EIF2AK4: variants seen among roughly 807,000 people sequenced by gnomAD.
EIF2AK4 encodes eIF-2-alpha kinase GCN2.
In EIF2AK4, 139 loss-of-function variants were observed where a neutral mutation model predicts 211.1. The observed-to-expected ratio is 0.66, with a 90% CI of 0.57 to 0.76. EIF2AK4 has a LOEUF of 0.76. Ranked by LOEUF, EIF2AK4 falls within the 30% of genes least tolerant of loss-of-function variation. The pLI, the probability that EIF2AK4 is intolerant of heterozygous loss-of-function variation, is 0.00. For synonymous variants in EIF2AK4, 710 were observed against 751.3 expected (o/e 0.94, Z 0.90); for missense variants, 1,664 against 2,043.8 (o/e 0.81, Z 3.58).
intron 15 of EIF2AK4, 110 bp downstream of exon 15, chr15:39,988,215 T>C (rs1385108742): frequency 8.6e-7 from 1 of 1,158,394 alleles, no homozygotes; most frequent in East Asian, 2.4e-5. Context: ...GGGAAAGCTA[T>C]GGGTATATTG....
chr15:39,977,068 C>T lies in EIF2AK4; in HGVS notation c.2249+224C>T, dbSNP rs2034709323. On this transcript the variant is annotated intron_variant, in intron 12 of 38. Transcript: ENST00000263791. ...CCAGCGAATGCCCCCCAACATTAATCCCCACCAAGTCCAAGCCAGGGAAAA... is the reference window on the plus strand; with the variant it reads ...CCAGCGAATGCCCCCCAACATTAATTCCCACCAAGTCCAAGCCAGGGAAAA... 3 of 451,094 alleles carry T rather than the reference C, an allele frequency of 6.7e-6. No homozygotes were observed. The East Asian group carries it at 1.1e-4, about 16-fold the overall frequency. The allele number at this position is 451,094 out of a possible 1,614,324, so 27.9% of individuals were successfully genotyped here. A position where few individuals can be genotyped will look rare whatever the true frequency, so the allele number is the denominator to read the frequency against.
chr15:39,986,877 C>CAAAA (rs71810163), intron 14 of EIF2AK4, among the ~76,000 whole-genome samples: 2,026 of 151,624 alleles, frequency 0.013, 24 homozygotes, highest in Non-Finnish European at 0.021. Flanking sequence ...ACAACAACAA[C>CAAAA]AACAAAAACA....
chr15:39,976,266 G>C, intron 11 of EIF2AK4, 148 bp from the exon 12 acceptor site: 1 of 800,326 alleles, frequency 1.2e-6, no homozygotes. Context: ...GCTTTCTTCA[G>C]TTTAAGAATT....
At chr15:39,991,088 C>T (rs2034937913) in intron 16 of EIF2AK4, 1 of 152,328 alleles carries the variant, frequency 6.6e-6, no homozygotes, top group Non-Finnish European at 1.5e-5. Context: ...ACATTATAAA[C>T]CCAAGTTATT....
chr15:39,973,023 G>A lies in EIF2AK4; in HGVS notation c.1660+9G>A, dbSNP rs556018078. 6 of 1,606,194 alleles carry A rather than the reference G, an allele frequency of 3.7e-6. No individual in the cohort carries two copies. In the African/African-American group the frequency reaches 5.3e-5, roughly 14 times the overall value. ...GGAACAAAGTCCTGAAGGTGAGTCT[G>A]TTACCTTTCTTTATTTGGTAACCTG... On this transcript the variant is annotated intron_variant, in intron 10 of 38. Coordinates refer to ENST00000263791, the MANE Select transcript of EIF2AK4 (RefSeq NM_001013703.4).
In EIF2AK4 at chr15:39,973,692, C is replaced by G. The variant is rs1336455357; in HGVS notation, c.1761C>G (p.Phe587Leu). The change falls in exon 11 of 39, where the codon TTC becomes TTG. Residue 587 changes from phenylalanine to leucine, a missense_variant. Physicochemically the swap from Phe to Leu is conservative, Grantham distance 22. This residue lies in a region of EIF2AK4 where 641 missense variants were observed against 729.6 expected (regional missense o/e 0.88). Coordinates refer to ENST00000263791, the MANE Select transcript of EIF2AK4 (RefSeq NM_001013703.4). The stretch of plus-strand genomic sequence containing the variant: ...CACAGAGACAGTTTTCCCGATACTT[C>G]ATTGAGTTTGAAGAATTACAACTTC... ...SETQRQFSRY[F>L]IEFEELQLLG... 9 of 1,614,172 alleles carry G rather than the reference C, an allele frequency of 5.6e-6. No individual in the cohort carries two copies. The highest frequency in any genetic ancestry group is 7.6e-6 in the Non-Finnish European group (9 of 1,180,004).
chr15:40,011,578 A>G (rs2035236007), intron 27 of EIF2AK4, among the ~76,000 whole-genome samples: 1 of 152,212 alleles, frequency 6.6e-6, no homozygotes. Flanking sequence ...ATACGCTGTA[A>G]TCATCCTGCT....
chr15:39,972,350 A>C (rs1419635229), intron 9 of EIF2AK4, among the ~76,000 whole-genome samples: 3 of 70,670 alleles, frequency 4.2e-5, no homozygotes, highest in Admixed American at 1.3e-4. Flanking sequence ...ACCCTATTTC[A>C]AAAAAAAAAA....
chr15:40,015,892 G>C (rs1234160822), intron 27 of EIF2AK4, among the ~76,000 whole-genome samples: 1 of 152,124 alleles, frequency 6.6e-6, no homozygotes, highest in East Asian at 1.9e-4. Context: ...TGAGTACCAG[G>C]GACTGTGAGA....
intron 23 of EIF2AK4, among the ~76,000 whole-genome samples, chr15:40,004,544 A>G (rs1021349820): frequency 7.2e-5 from 11 of 152,242 alleles, no homozygotes; most frequent in African/African-American, 2.6e-4. Context: ...CCCCATCTTT[A>G]CAAAAAATTT....
At chr15:39,944,811 A>G (rs1439377578) in intron 3 of EIF2AK4, among the ~76,000 whole-genome samples, 1 of 152,204 alleles carries the variant, frequency 6.6e-6, no homozygotes, top group Non-Finnish European at 1.5e-5. Flanking sequence ...AGACATAACC[A>G]AAGATAACCA....
At chr15:40,014,198 CT>C (rs1236584108) in intron 27 of EIF2AK4, among the ~76,000 whole-genome samples, 1 of 152,232 alleles carries the variant, frequency 6.6e-6, no homozygotes, top group Non-Finnish European at 1.5e-5. Flanking sequence ...CCACCTGTGG[CT>C]TTGCAGGGTA....
chr15:39,939,580 G>C lies in EIF2AK4; in HGVS notation c.220G>C (p.Asp74His), dbSNP rs759115064. The C allele has an allele frequency of 1.9e-6, 3 of 1,612,810 alleles. No homozygotes were observed. Among genetic ancestry groups the C allele is most frequent in the Non-Finnish European group, 2.5e-6 (3 of 1,179,210 alleles). Residue 74 changes from aspartate to histidine, a missense_variant, in exon 2 of 39, where the codon GAT becomes CAT. This residue lies in a region of EIF2AK4 where 641 missense variants were observed against 729.6 expected (regional missense o/e 0.88). Coordinates refer to ENST00000263791, the MANE Select transcript of EIF2AK4 (RefSeq NM_001013703.4). The stretch of plus-strand genomic sequence containing the variant: ...TGGTGAAGAAGTATATGTAAAAGTG[G>C]ATTTGAGGGTTAAATGCCCACCTAC... Reference protein sequence around the residue: ...LTGEEVYVKVDLRVKCPPTYP... With the variant: ...LTGEEVYVKVHLRVKCPPTYP...
intron 1 of EIF2AK4, among the ~76,000 whole-genome samples, chr15:39,935,273 A>T (rs1429814045): frequency 6.6e-6 from 1 of 151,948 alleles, no homozygotes; most frequent in Non-Finnish European, 1.5e-5. Flanking sequence ...TGAAGAGTTG[A>T]TCTACCAAAC....
chr15:40,025,276 A>G (rs1339983439), intron 32 of EIF2AK4, among the ~76,000 whole-genome samples: 1 of 152,204 alleles, frequency 6.6e-6, no homozygotes, highest in African/African-American at 2.4e-5. Flanking sequence ...CCAACCAAGG[A>G]ATCTGGTTTT....
intron 14 of EIF2AK4, among the ~76,000 whole-genome samples, chr15:39,986,590 A>C (rs535053902): frequency 1.3e-5 from 2 of 152,368 alleles, no homozygotes; most frequent in East Asian, 3.9e-4. Context: ...ACGGTGGCTT[A>C]CGCCTGCAAT....
chr15:40,032,218 G>A lies in EIF2AK4; in HGVS notation c.4709G>A (p.Ser1570Asn). The change falls in exon 36 of 39, where the codon AGT (serine) becomes AAT (asparagine). Residue 1570 changes from serine (S) to asparagine (N), a missense_variant. Coordinates refer to ENST00000263791, the MANE Select transcript of EIF2AK4 (RefSeq NM_001013703.4). ...TSLANLHQKSSEIEILAVDLP... is the reference protein window; with the variant it reads ...TSLANLHQKSNEIEILAVDLP... ...CTTGCCAACTTACATCAGAAAAGCA[G>A]TGAAATTGAAATTCTGGCTGTAAGT... 6.2e-7 allele frequency: 1 copy of A among 1,614,180 alleles called. No individual in the cohort carries two copies. The highest frequency in any genetic ancestry group is 8.5e-7 in the Non-Finnish European group (1 of 1,179,994).
chr15:40,030,187 C>T (rs1288421338), intron 34 of EIF2AK4, among the ~76,000 whole-genome samples, 172 bp from the exon 35 acceptor site: 1 of 152,164 alleles, frequency 6.6e-6, no homozygotes, highest in East Asian at 1.9e-4. Context: ...GTTCTGGGCT[C>T]CTCACCTATC....
Position 40,022,621 on chromosome 15 carries a change from A to AT in EIF2AK4, c.4389+22dup. 1.2e-6 allele frequency: 2 copies of AT among 1,611,510 alleles called. No individual in the cohort carries two copies. The highest frequency in any genetic ancestry group is 1.7e-6 in the Non-Finnish European group (2 of 1,177,714). ...CCATGTCAAGGTAAAGACGTCAGAG[A>AT]TTTTTTACAATTCAATAGTTAGGTG... On this transcript the variant is annotated intron_variant, in intron 32 of 38. Transcript: ENST00000263791.
Sources: allele counts gnomAD v4.1 joint callset (sites outside exome capture counted in the v4.1 genomes callset), GRCh38; gene constraint gnomAD v4.1.1; regional missense constraint gnomAD v4.1.1; transcripts MANE v1.5; gene names NCBI Gene and HGNC (gene_info 2026-07-23, HGNC 2026-07-21).